SVEP1: variants seen among roughly 807,000 people sequenced by gnomAD.
SVEP1 encodes the protein sushi, von Willebrand factor type A, EGF and pentraxin domain-containing protein 1.
Under a neutral mutation model 367.3 loss-of-function variants are expected in SVEP1, and 164 were observed. That is an observed-to-expected ratio of 0.45 (90% CI 0.39 to 0.51). The LOEUF (loss-of-function observed/expected upper bound fraction) is 0.51. SVEP1 is among the 20% of genes least tolerant of loss of function. SVEP1 has a pLI of 0.00. For synonymous variants in SVEP1, 1,666 were observed against 1,611.6 expected (o/e 1.03, Z -0.81); for missense variants, 4,117 against 4,425.3 (o/e 0.93, Z 1.98).
At chr9:110,557,410 TCTC>T (rs142633693) in intron 1 of SVEP1, among the ~76,000 whole-genome samples, 16,027 of 152,036 alleles carry the variant, frequency 0.11, 1,017 homozygotes, top group East Asian at 0.3. Context: ...TTGTTTATCT[TCTC>T]TTTTCTCATC....
intron 37 of SVEP1, among the ~76,000 whole-genome samples, chr9:110,409,267 C>T (rs904456715): frequency 6.6e-6 from 1 of 151,900 alleles, no homozygotes; most frequent in Non-Finnish European, 1.5e-5. Flanking sequence ...GAAACCTGTA[C>T]AAAAATTAGC....
chr9:110,525,768 T>A (rs555867937), intron 3 of SVEP1, among the ~76,000 whole-genome samples: 2 of 152,088 alleles, frequency 1.3e-5, no homozygotes, highest in East Asian at 1.9e-4. Context: ...TGGCTGATTT[T>A]TTTTTTTTAC....
At chr9:110,488,008 C>A (rs552241632) in intron 9 of SVEP1, among the ~76,000 whole-genome samples, 1 of 152,160 alleles carries the variant, frequency 6.6e-6, no homozygotes, top group South Asian at 2.1e-4. Context: ...ATACGGTAAA[C>A]CAGGCTCAAA....
In SVEP1 at chr9:110,476,211, A is replaced by C. The variant is rs767712290; in HGVS notation, c.2592T>G (p.Phe864Leu). The change falls in exon 14 of 48, where the codon TTT (phenylalanine) becomes TTG (leucine). Residue 864 changes from phenylalanine (F) to leucine (L), a missense_variant. By Grantham distance (22) the Phe-to-Leu change is conservative (BLOSUM62 0). Coordinates refer to ENST00000374469, the MANE Select transcript of SVEP1 (RefSeq NM_153366.4). ...LEYNYDYENG[F>L]AIGPGGWGAA... ...GCCACAGAATTTAATTACCAATTGC[A>C]AAGCCATTTTCATAGTCATAATTAT... 1.5e-5 allele frequency: 24 copies of C among 1,608,544 alleles called. No individual in the cohort carries two copies. Among genetic ancestry groups the C allele is most frequent in the Admixed American group, 3.3e-5 (2 of 59,742 alleles).
rs370717269 is a variant in SVEP1 at position 110,483,639 on chromosome 9, G to A, written c.1985C>T (p.Ser662Leu). ...CCAGCTTGCGGCATGTACCTTCTCC[G>A]AGACCTGGACGGGAGGTGGAGATCT... is the stretch of plus-strand genomic sequence containing the variant. ...WCRSPPPVQV[S>L]EKVHAASWDE... Residue 662 changes from serine to leucine, a missense_variant, in exon 10 of 48, where the codon TCG (serine) becomes TTG (leucine). Coordinates refer to ENST00000374469, the MANE Select transcript of SVEP1 (RefSeq NM_153366.4). 1.0e-4 allele frequency: 162 copies of A among 1,611,680 alleles called. No homozygotes were observed. The highest frequency in any genetic ancestry group is 1.5e-4 in the Admixed American group (9 of 59,842).
At chr9:110,572,823 C>T (rs913003163) in intron 1 of SVEP1, among the ~76,000 whole-genome samples, 11 of 119,228 alleles carry the variant, frequency 9.2e-5, no homozygotes, top group Non-Finnish European at 1.6e-4. Flanking sequence ...AAAATGAGTA[C>T]TACTTTTTTG....
chr9:110,413,968 T>G (rs1472390830), intron 36 of SVEP1, among the ~76,000 whole-genome samples: 1 of 152,054 alleles, frequency 6.6e-6, no homozygotes, highest in African/African-American at 2.4e-5. Context: ...TCAGACAGGC[T>G]TAGAAACTTG....
intron 8 of SVEP1, among the ~76,000 whole-genome samples, chr9:110,492,771 G>T (rs1829388232): frequency 1.3e-5 from 2 of 152,044 alleles, no homozygotes; most frequent in Admixed American, 1.3e-4. Flanking sequence ...GGGGGAAGGG[G>T]GTGCCTACAG....
chr9:110,506,049 A>T (rs1421791384), intron 5 of SVEP1, among the ~76,000 whole-genome samples: 1 of 151,912 alleles, frequency 6.6e-6, no homozygotes, highest in Non-Finnish European at 1.5e-5. Context: ...ACTCCCTCTT[A>T]TGAGTGAGAA....
intron 30 of SVEP1, among the ~76,000 whole-genome samples, chr9:110,433,525 G>A (rs1216541775): frequency 6.9e-6 from 1 of 144,902 alleles, no homozygotes; most frequent in African/African-American, 2.6e-5. Flanking sequence ...CTGGAGTGCA[G>A]TGGTGCAATC....
Position 110,579,417 on chromosome 9 carries a change from G to A in SVEP1, c.127C>T (p.Pro43Ser), listed in dbSNP as rs2118900247. The A allele has an allele frequency of 6.3e-7, 1 of 1,581,970 alleles. No homozygotes were observed. ...GCGGGCGGCGCGGGGATACTCCCGG[G>A]GGCCCCGGGCGCGGTCTCGGGGAAG... ...RLFPETAPGA[P>S]GSIPAPPAPG... Residue 43 changes from proline (P) to serine (S), a missense_variant, in exon 1 of 48, where the codon CCC becomes TCC. Pro to Ser is a moderately conservative substitution (Grantham distance 74). Transcript: ENST00000374469. The surrounding 1 kb of genome is among the most constrained non-coding windows in gnomAD (Gnocchi z 5.3).
chr9:110,439,266 G>A (rs1162101380), intron 27 of SVEP1, among the ~76,000 whole-genome samples: 1 of 152,204 alleles, frequency 6.6e-6, no homozygotes, highest in African/African-American at 2.4e-5. Flanking sequence ...CCTGCCATGT[G>A]AGGATACAGT....
chr9:110,429,807 A>G (rs976776258), intron 34 of SVEP1, 113 bp downstream of exon 34: 19 of 781,832 alleles, frequency 2.4e-5, no homozygotes, highest in African/African-American at 5.2e-5. Context: ...ATTACATATT[A>G]ATTCAAAAAT....
intron 40 of SVEP1, among the ~76,000 whole-genome samples, chr9:110,390,119 A>AAG (rs1491519250): frequency 9.7e-6 from 1 of 102,582 alleles, no homozygotes; most frequent in Middle Eastern, 5.3e-3. Flanking sequence ...GTATATATAC[A>AAG]TACATACTTA....
chr9:110,384,425 GTTC>G (rs1827489229), intron 43 of SVEP1, among the ~76,000 whole-genome samples: 1 of 151,842 alleles, frequency 6.6e-6, no homozygotes, highest in African/African-American at 2.4e-5. Flanking sequence ...CACTGTTTTT[GTTC>G]TTCTCGGTGG....
At chr9:110,548,172 C>A (rs568357658) in intron 2 of SVEP1, among the ~76,000 whole-genome samples, 1 of 152,234 alleles carries the variant, frequency 6.6e-6, no homozygotes, top group South Asian at 2.1e-4. Flanking sequence ...ATAAAGGTAG[C>A]CAGTTGCTGA....
chr9:110,459,082 A>T lies in SVEP1; in HGVS notation c.3354T>A (p.Ser1118=). 6.2e-7 allele frequency: 1 copy of T among 1,613,768 alleles called. No homozygotes were observed. The highest frequency in any genetic ancestry group is 8.5e-7 in the Non-Finnish European group (1 of 1,179,690). ...GACATGGGTGACAGGGCATTAACCC[A>T]GAACGCGAGAATTTTCCTTCTGGAC... The part of the protein sequence containing the change: ...VPCPEGKFSR[S]GLMPCHPCPR... The change falls in exon 19 of 48, where the codon TCT becomes TCA. Residue 1118 remains serine, a synonymous_variant. Transcript: ENST00000374469.
chr9:110,493,094 C>CA (rs1164941842), intron 8 of SVEP1, among the ~76,000 whole-genome samples: 1 of 152,052 alleles, frequency 6.6e-6, no homozygotes, highest in African/African-American at 2.4e-5. Flanking sequence ...TTCTGCCCTA[C>CA]ACTCTGCTCT....
At chr9:110,517,327 G>A (rs1431060904) in intron 3 of SVEP1, among the ~76,000 whole-genome samples, 1 of 152,004 alleles carries the variant, frequency 6.6e-6, no homozygotes, top group Non-Finnish European at 1.5e-5. Flanking sequence ...CTGGGCATGG[G>A]TGGCTCATGC....
Sources: allele counts gnomAD v4.1 joint callset (sites outside exome capture counted in the v4.1 genomes callset), GRCh38; gene constraint gnomAD v4.1.1; non-coding constraint Gnocchi (gnomAD v3.1); transcripts MANE v1.5; gene names NCBI Gene and HGNC (gene_info 2026-07-23, HGNC 2026-07-21).